Variants in FER1L6 observed in about 807,000 individuals in gnomAD.
FER1L6 encodes the protein fer-1-like protein 6.
In FER1L6, 177 loss-of-function variants were observed where a neutral mutation model predicts 219.2. The ratio of observed to expected loss-of-function variants is 0.81; its 90% confidence interval spans 0.71 to 0.91. The LOEUF is 0.91. FER1L6 is among the 40% of genes least tolerant of loss of function. The pLI is 0.00. For synonymous variants in FER1L6, 768 were observed against 824.3 expected, an observed-to-expected ratio of 0.93 and a Z score of 1.17; for missense variants, 2,153 against 2,259.9, an observed-to-expected ratio of 0.95 and a Z score of 0.96.
intron 1 of FER1L6, among the ~76,000 whole-genome samples, chr8:123,882,573 G>A (rs1452426998): frequency 6.6e-6 from 1 of 152,148 alleles, no homozygotes; most frequent in East Asian, 1.9e-4. Flanking sequence ...TCTTCACAGA[G>A]CTGATAGAGT....
intron 12 of FER1L6, among the ~76,000 whole-genome samples, chr8:123,993,745 C>T (rs1327658398): frequency 1.3e-5 from 2 of 152,172 alleles, no homozygotes; most frequent in Non-Finnish European, 2.9e-5. Flanking sequence ...TGGGTCTAGC[C>T]ACCCAGAGGG....
intron 22 of FER1L6, among the ~76,000 whole-genome samples, chr8:124,056,637 A>G (rs1164769607): frequency 1.3e-5 from 2 of 152,162 alleles, no homozygotes; most frequent in East Asian, 3.9e-4. Context: ...TTTAAAGGTA[A>G]AGTGTCATTA....
intron 39 of FER1L6, among the ~76,000 whole-genome samples, chr8:124,108,819 A>T (rs1177912706): frequency 6.6e-6 from 1 of 151,742 alleles, no homozygotes; most frequent in African/African-American, 2.4e-5. Flanking sequence ...TCAAGGTTGC[A>T]GTGAGCTATG....
At chr8:123,892,391 A>G (rs1485303931) in intron 1 of FER1L6, among the ~76,000 whole-genome samples, 1 of 152,052 alleles carries the variant, frequency 6.6e-6, no homozygotes, top group Non-Finnish European at 1.5e-5. Flanking sequence ...TCCTGGGTTC[A>G]AGTGATTCTT....
rs903615490 is a variant in FER1L6, at chr8:123,903,210, A to G, written c.-8+51025A>G. On this transcript the variant is annotated intron_variant, in intron 1 of 40. Transcript: ENST00000522917. ...TTTACACTGAGATAACTTTGCTACA[A>G]AATATCTTGCTTTTATTATTATGTT... Among the ~76,000 whole-genome samples, 4 of 152,216 alleles carry G rather than the reference A, an allele frequency of 2.6e-5. No individual in the cohort carries two copies. In the East Asian group the frequency reaches 7.7e-4, roughly 29 times the overall value.
intron 25 of FER1L6, 31 bp from the exon 26 acceptor site, chr8:124,064,316 A>C: frequency 6.3e-7 from 1 of 1,588,390 alleles, no homozygotes; most frequent in Non-Finnish European, 8.6e-7. Flanking sequence ...GATGCAGCCC[A>C]GCTCCCTGAC....
At chr8:124,027,006 G>C (rs1818737550) in intron 18 of FER1L6, among the ~76,000 whole-genome samples, 1 of 152,130 alleles carries the variant, frequency 6.6e-6, no homozygotes, top group African/African-American at 2.4e-5. Flanking sequence ...CTTCTGGTTG[G>C]TTCCATGGCT....
At chr8:124,043,309 C>A (rs72714690) in intron 20 of FER1L6, among the ~76,000 whole-genome samples, 1 of 151,942 alleles carries the variant, frequency 6.6e-6, no homozygotes, top group Non-Finnish European at 1.5e-5. Context: ...TAATATCCAA[C>A]GTGCCCAAGT....
chr8:123,939,807 C>T (rs1814159408), intron 1 of FER1L6, among the ~76,000 whole-genome samples: 1 of 152,208 alleles, frequency 6.6e-6, no homozygotes, highest in Non-Finnish European at 1.5e-5. Flanking sequence ...ATGACCACCC[C>T]TGTTTCCAGT....
chr8:123,986,152 C>T lies in FER1L6; in HGVS notation c.1495C>T (p.Pro499Ser), dbSNP rs781206099. Residue 499 changes from proline (P) to serine (S), a missense_variant, in exon 12 of 41, where the codon CCC becomes TCC. By Grantham distance (74) the Pro-to-Ser change is moderately conservative. Coordinates refer to ENST00000522917, the MANE Select transcript of FER1L6 (RefSeq NM_001039112.2). Reference sequence around the variant, plus strand: ...GATTGACCGGAAGATTGGAGATAAACCCATCAGCTTTGAAGTTTCTATTGG... The same window carrying T: ...GATTGACCGGAAGATTGGAGATAAATCCATCAGCTTTGAAGTTTCTATTGG... ...TMIDRKIGDKPISFEVSIGNF... is the reference protein window; with the variant it reads ...TMIDRKIGDKSISFEVSIGNF... The T allele has an allele frequency of 2.0e-5, 32 of 1,611,462 alleles. No homozygotes were observed. In the Admixed American group the frequency reaches 4.7e-4, roughly 24 times the overall value.
Position 124,072,773 on chromosome 8 carries a change from T to C in FER1L6, c.4092+1142T>C, listed in dbSNP as rs182636586. On this transcript the variant is annotated intron_variant, in intron 31 of 40. Transcript: ENST00000522917. ...GAGAAGAACTTAGAGTCACTGACAA[T>C]GTTGGGTAGTCAACATGAAACACCA... Among the ~76,000 whole-genome samples the C allele has an allele frequency of 2.6e-5, 4 of 152,308 alleles. No individual in the cohort carries two copies. In the East Asian group the frequency reaches 7.7e-4, roughly 29 times the overall value.
At chr8:124,107,839 C>T (rs1267792051) in intron 39 of FER1L6, among the ~76,000 whole-genome samples, 2 of 152,108 alleles carry the variant, frequency 1.3e-5, no homozygotes, top group African/African-American at 4.8e-5. Flanking sequence ...CCACTAAGGC[C>T]AGATCACCTC....
intron 1 of FER1L6, among the ~76,000 whole-genome samples, chr8:123,894,167 A>C (rs1407808856): frequency 1.3e-5 from 2 of 152,234 alleles, no homozygotes; most frequent in African/African-American, 4.8e-5. Flanking sequence ...GCCTCTCAAA[A>C]TGTATCAAAG....
intron 1 of FER1L6, among the ~76,000 whole-genome samples, chr8:123,892,441 G>A (rs867829608): frequency 1.2e-4 from 19 of 152,016 alleles, no homozygotes; most frequent in African/African-American, 3.1e-4. Context: ...ACAGGTGCCC[G>A]CCACCATGCC....
intron 39 of FER1L6, among the ~76,000 whole-genome samples, chr8:124,115,489 T>G (rs1457386631): frequency 6.6e-6 from 1 of 152,080 alleles, no homozygotes; most frequent in African/African-American, 2.4e-5. Flanking sequence ...ATGACACCTA[T>G]CTCTAGGACA....
chr8:124,020,336 C>T (rs1157794681), intron 16 of FER1L6, among the ~76,000 whole-genome samples: 2 of 152,004 alleles, frequency 1.3e-5, no homozygotes, highest in Non-Finnish European at 2.9e-5. Context: ...ACTAATACAC[C>T]GGCTTTAGGA....
At chr8:123,858,837 G>A (rs1230021946) in intron 1 of FER1L6, among the ~76,000 whole-genome samples, 1 of 152,216 alleles carries the variant, frequency 6.6e-6, no homozygotes, top group East Asian at 1.9e-4. Context: ...AGGGATGGTA[G>A]AGGTCATTTA....
chr8:123,907,712 C>T (rs1812978357), intron 1 of FER1L6, among the ~76,000 whole-genome samples: 4 of 148,010 alleles, frequency 2.7e-5, no homozygotes, highest in Admixed American at 1.3e-4. Flanking sequence ...GAGAGGCCTT[C>T]AGGGAAGCTC....
At chr8:123,939,563 G>C (rs1320271212) in intron 1 of FER1L6, among the ~76,000 whole-genome samples, 1 of 152,210 alleles carries the variant, frequency 6.6e-6, no homozygotes, top group East Asian at 1.9e-4. Context: ...AAATTGCCTA[G>C]AAAGAATCTT....
Sources: allele counts gnomAD v4.1 joint callset (sites outside exome capture counted in the v4.1 genomes callset), GRCh38; gene constraint gnomAD v4.1.1; transcripts MANE v1.5; gene names NCBI Gene and HGNC (gene_info 2026-07-23, HGNC 2026-07-21).